The following MACF1 variants were observed in gnomAD, a reference collection of about 807,000 sequenced individuals.
MACF1 encodes microtubule-actin cross-linking factor 1.
Under a neutral mutation model 854.8 loss-of-function variants are expected in MACF1, and 193 were observed. The ratio of observed to expected loss-of-function variants is 0.23; its 90% CI spans 0.20 to 0.25. MACF1 has a LOEUF of 0.25. MACF1 is among the 10% of genes least tolerant of loss of function. MACF1 has a pLI of 1.00. For missense variants in MACF1, 7,722 were observed against 8,929.1 expected, an observed-to-expected ratio of 0.86 and a Z score of 5.45; for synonymous variants, 3,185 against 3,226.7, an observed-to-expected ratio of 0.99 and a Z score of 0.44.
At chr1:39,121,662 A>G (rs149412995) in intron 2 of MACF1, among the ~76,000 whole-genome samples, 63 of 152,234 alleles carry the variant, frequency 4.1e-4, no homozygotes, top group African/African-American at 1.4e-3. Context: ...TGGCCAGGCT[A>G]GTCTCAAACT....
chr1:39,112,521 T>C (rs1642437855), intron 2 of MACF1, among the ~76,000 whole-genome samples: 1 of 152,074 alleles, frequency 6.6e-6, no homozygotes, highest in Non-Finnish European at 1.5e-5. Flanking sequence ...CTACTAAAAA[T>C]ACAAAAATTA....
chr1:39,230,326 A>G (rs554201668), intron 1 of MACF1, among the ~76,000 whole-genome samples: 29 of 152,290 alleles, frequency 1.9e-4, no homozygotes, highest in African/African-American at 7.0e-4. Context: ...GTCATCGGGG[A>G]AGGCTAAGGT....
intron 52 of MACF1, among the ~76,000 whole-genome samples, chr1:39,374,167 G>A (rs934801023): frequency 1.3e-5 from 2 of 152,060 alleles, no homozygotes; most frequent in East Asian, 3.9e-4. Flanking sequence ...GCTTGAACCC[G>A]GGAGGCAGAG....
Position 39,318,995 on chromosome 1 carries a change from AT to A in MACF1, c.3945+390del, listed in dbSNP as rs757494196. On this transcript the variant is annotated intron_variant, in intron 30 of 100. Transcript: ENST00000564288. Reference sequence around the variant, plus strand: ...TTTTTGAAAATGATTTATTTTAAGCATTTTTTTTTTGTTGGTATTTTGTTTT... The same window carrying A: ...TTTTTGAAAATGATTTATTTTAAGCATTTTTTTTTGTTGGTATTTTGTTTT... Among the ~76,000 whole-genome samples, 126 of 147,594 alleles carry A rather than the reference AT, an allele frequency of 8.5e-4. No homozygotes were observed. The East Asian group carries it at 0.018, about 21-fold the overall frequency.
chr1:39,127,174 A>G (rs1287844214), intron 2 of MACF1, among the ~76,000 whole-genome samples: 1 of 152,208 alleles, frequency 6.6e-6, no homozygotes, highest in East Asian at 1.9e-4. Flanking sequence ...GTGAGCTGAG[A>G]TCACGCCACT....
At position 39,317,423 on chromosome 1, in the gene MACF1, A is replaced by G. The variant is rs1646433084; in HGVS notation, c.3782+16A>G. The G allele has an allele frequency of 1.2e-6, 2 of 1,609,270 alleles. No homozygotes were observed. The highest frequency in any genetic ancestry group is 1.7e-6 in the Non-Finnish European group (2 of 1,178,650). Reference sequence around the variant, plus strand: ...TCGAGATTCGGTGAGTGGTGGCCCCACCTTTTTCTCCTATTAGAGTTCAGG... The same window carrying G: ...TCGAGATTCGGTGAGTGGTGGCCCCGCCTTTTTCTCCTATTAGAGTTCAGG... On this transcript the variant is annotated intron_variant, in intron 29 of 100. Transcript: ENST00000564288.
intron 14 of MACF1, 139 bp from the exon 15 acceptor site, chr1:39,287,147 G>C (rs956119098): frequency 2.3e-6 from 2 of 873,198 alleles, no homozygotes; most frequent in African/African-American, 3.4e-5. Context: ...TTTTAGTAGA[G>C]ACGGGGTTTC....
chr1:39,399,263 T>C (rs57849749), intron 58 of MACF1, among the ~76,000 whole-genome samples: 3,690 of 152,238 alleles, frequency 0.024, 116 homozygotes, highest in East Asian at 0.17. Flanking sequence ...CTTTCCAGTG[T>C]TATTTCCTAT....
At chr1:39,477,082 TATATATATAC>T (rs1281826440) in intron 97 of MACF1, among the ~76,000 whole-genome samples, 26 of 12,606 alleles carry the variant, frequency 2.1e-3, no homozygotes, top group East Asian at 0.014. Flanking sequence ...TATATATATA[TATATATATAC>T]ACACACACAC....
chr1:39,327,674 C>G (rs1024609761), intron 36 of MACF1, among the ~76,000 whole-genome samples: 32 of 152,212 alleles, frequency 2.1e-4, no homozygotes, highest in African/African-American at 7.5e-4. Context: ...GTAACATACT[C>G]CCTTGTGGCA....
intron 58 of MACF1, chr1:39,414,159 A>G: frequency 6.2e-7 from 1 of 1,601,716 alleles, no homozygotes; most frequent in Non-Finnish European, 8.5e-7. Flanking sequence ...CCCCAGCAGC[A>G]GCAGTGCCCA....
chr1:39,387,251 T>A lies in MACF1; in HGVS notation c.14409T>A (p.Asp4803Glu). The A allele has an allele frequency of 6.2e-7, 1 of 1,614,206 alleles. No individual in the cohort carries two copies. Among genetic ancestry groups the A allele is most frequent in the Non-Finnish European group, 8.5e-7 (1 of 1,180,038 alleles). ...ASTQQFQQMF[D>E]ELRTWLDDKQ... is the part of the protein sequence containing the mutation. ...CCCAGCAGTTCCAGCAAATGTTTGA[T>A]GAGTTGAGGACCTGGTTGGATGATA... The change falls in exon 58 of 101, where the codon GAT (aspartate) becomes GAA (glutamate). Residue 4803 changes from aspartate (D) to glutamate (E), a missense_variant. This residue lies in a region of MACF1 where 2,807 missense variants were observed against 3,235.8 expected (regional missense o/e 0.87). Coordinates refer to ENST00000564288, the MANE Select transcript of MACF1 (RefSeq NM_001394062.1).
intron 2 of MACF1, among the ~76,000 whole-genome samples, chr1:39,162,319 T>C (rs898012926): frequency 1.3e-5 from 2 of 152,138 alleles, no homozygotes; most frequent in Non-Finnish European, 2.9e-5. Context: ...CTTAAGTAAA[T>C]AGATAGATTA....
chr1:39,159,089 A>G (rs628523), intron 2 of MACF1, among the ~76,000 whole-genome samples: 143,185 of 152,230 alleles, frequency 0.94, 67,432 homozygotes, highest in East Asian at 1. Context: ...TATGGTGTGT[A>G]TTGTATAGGG....
chr1:39,297,858 A>C, intron 21 of MACF1, 113 bp downstream of exon 21: 1 of 1,278,136 alleles, frequency 7.8e-7, no homozygotes, highest in African/African-American at 1.5e-5. Context: ...GTTGTAATAA[A>C]GTTTGGCTTA....
chr1:39,131,678 G>T (rs1416549167), intron 2 of MACF1, among the ~76,000 whole-genome samples: 1 of 152,102 alleles, frequency 6.6e-6, no homozygotes, highest in Non-Finnish European at 1.5e-5. Context: ...TACATTTACT[G>T]CAGACAGATG....
chr1:39,457,966 A>G (rs778935521), intron 89 of MACF1: 8 of 159,142 alleles, frequency 5.0e-5, no homozygotes, highest in Non-Finnish European at 8.3e-5. Flanking sequence ...ATCATGGTGG[A>G]AGGCAAAGGG....
rs1436591356 is a variant in MACF1, at chr1:39,448,784, C to G, written c.20258+21C>G. 1.9e-6 allele frequency: 3 copies of G among 1,577,658 alleles called. No homozygotes were observed. The South Asian group carries it at 3.5e-5, about 18-fold the overall frequency. On this transcript the variant is annotated intron_variant, in intron 84 of 100. Coordinates refer to ENST00000564288, the MANE Select transcript of MACF1 (RefSeq NM_001394062.1). ...GAGCGGTGAGCATGAATGTCCCCTT[C>G]AGGGGTCTAACCGGGATCCCAAAAG...
chr1:39,403,078 G>A (rs149537721), intron 58 of MACF1, among the ~76,000 whole-genome samples: 1 of 145,814 alleles, frequency 6.9e-6, no homozygotes. Flanking sequence ...TTTTTGTTTG[G>A]TTGTTTTGTT....
Sources: allele counts gnomAD v4.1 joint callset (sites outside exome capture counted in the v4.1 genomes callset), GRCh38; gene constraint gnomAD v4.1.1; regional missense constraint gnomAD v4.1.1; transcripts MANE v1.5; gene names NCBI Gene and HGNC (gene_info 2026-07-23, HGNC 2026-07-21).